Variants in IHO1 observed in about 807,000 individuals in gnomAD.
The protein encoded by IHO1 is interactor of HORMAD1 1, also known as interactor of HORMAD1 protein 1.
Under a neutral mutation model 31.0 loss-of-function variants are expected in IHO1, and 13 were observed. The observed-to-expected ratio is 0.42, with a 90% CI of 0.27 to 0.67. The LOEUF (loss-of-function observed/expected upper bound fraction) is 0.67, where lower values mean the gene tolerates loss of function less well. Among genes scored for constraint, IHO1 ranks in the 30% least tolerant of loss-of-function variants. The pLI is 0.24. For missense variants in IHO1, 599 were observed against 687.5 expected, an observed-to-expected ratio of 0.87 and a Z score of 1.44; for synonymous variants, 221 against 248.4, an observed-to-expected ratio of 0.89 and a Z score of 1.04.
the IHO1 span, chr3:49,191,671 C>G: frequency 1.3e-6 from 2 of 1,512,340 alleles, no homozygotes; most frequent in Non-Finnish European, 1.8e-6. Context: ...TTTCACTTCA[C>G]CGGCATGACT....
At chr3:49,230,085 T>C (rs2046463750) in intron 2 of IHO1, among the ~76,000 whole-genome samples, 1 of 152,192 alleles carries the variant, frequency 6.6e-6, no homozygotes, top group African/African-American at 2.4e-5. Flanking sequence ...CAAGAACCTA[T>C]ACCTTTAAAA....
chr3:49,196,794 C>T (rs1190731310), upstream of IHO1, among the ~76,000 whole-genome samples: 1 of 151,610 alleles, frequency 6.6e-6, no homozygotes, highest in African/African-American at 2.4e-5. Context: ...CCTCAGCCTC[C>T]CAAGTAGCTG....
At chr3:49,234,429 C>T (rs1246168588) in intron 2 of IHO1, among the ~76,000 whole-genome samples, 1 of 151,854 alleles carries the variant, frequency 6.6e-6, no homozygotes, top group Non-Finnish European at 1.5e-5. Context: ...GTCTGCCCAC[C>T]TCGGCCTCCC....
upstream of IHO1, among the ~76,000 whole-genome samples, chr3:49,195,968 G>T (rs2045994158): frequency 3.3e-5 from 5 of 151,472 alleles, no homozygotes; most frequent in South Asian, 1.0e-3. Context: ...AGGTGTGGGG[G>T]CTCATGCCTG....
rs143234227 is a variant in IHO1 at position 49,246,955 on chromosome 3, T to A, written c.532+2222T>A. On this transcript the variant is annotated intron_variant, in intron 6 of 7. Transcript: ENST00000452691. ...CCTCTGCCTCCCAGGTTCAAGCGAT[T>A]CTCCTGCCTCAGTCTCCTGAGTAGC... Among the ~76,000 whole-genome samples the A allele has an allele frequency of 5.8e-3, 876 of 151,454 alleles. 11 individuals carry two copies. The highest frequency in any genetic ancestry group is 0.02 in the African/African-American group (833 of 41,280).
chr3:49,241,123 C>A, intron 3 of IHO1, 103 bp from the exon 4 acceptor site: 2 of 764,786 alleles, frequency 2.6e-6, no homozygotes, highest in Non-Finnish European at 3.9e-6. Context: ...TACGTTACAG[C>A]AATATGGTTT....
At chr3:49,254,846 C>T (rs1025007949) in intron 6 of IHO1, among the ~76,000 whole-genome samples, 119 of 151,980 alleles carry the variant, frequency 7.8e-4, no homozygotes, top group African/African-American at 2.8e-3. Context: ...GGCAGATCAC[C>T]GGAGGTCAGA....
At chr3:49,234,657 CAAGGCCTATCTGTG>C (rs1341133665) in intron 2 of IHO1, among the ~76,000 whole-genome samples, 2 of 152,116 alleles carry the variant, frequency 1.3e-5, no homozygotes, top group African/African-American at 4.8e-5. Flanking sequence ...CAGTCCATAA[CAAGGCCTATCTGTG>C]ATTGTTTTAT....
chr3:49,237,278 T>A (rs928577765), intron 3 of IHO1, among the ~76,000 whole-genome samples: 2 of 151,650 alleles, frequency 1.3e-5, no homozygotes, highest in Non-Finnish European at 2.9e-5. Context: ...ACTCAGGAGG[T>A]AGAGGTTGCA....
At chr3:49,210,736 G>A (rs1186658996) in intron 1 of IHO1, among the ~76,000 whole-genome samples, 1 of 121,288 alleles carries the variant, frequency 8.2e-6, no homozygotes, top group East Asian at 2.4e-4. Flanking sequence ...TCACTCTGTC[G>A]CCCCAGGCTG....
At chr3:49,236,028 G>T (rs946239988) in intron 2 of IHO1, among the ~76,000 whole-genome samples, 1 of 151,432 alleles carries the variant, frequency 6.6e-6, no homozygotes, top group Non-Finnish European at 1.5e-5. Flanking sequence ...ATCACCTGAG[G>T]TCAGGAGTTC....
intron 2 of IHO1, among the ~76,000 whole-genome samples, chr3:49,222,983 A>T (rs766113751): frequency 5.3e-5 from 8 of 152,206 alleles, no homozygotes; most frequent in African/African-American, 9.7e-5. Flanking sequence ...GGTAGATGGG[A>T]GAGATTTGAC....
intron 1 of IHO1, among the ~76,000 whole-genome samples, chr3:49,207,395 G>T (rs1448360539): frequency 6.6e-6 from 1 of 151,672 alleles, no homozygotes; most frequent in Non-Finnish European, 1.5e-5. Context: ...ACAGGTGCAT[G>T]CCACCACGCC....
chr3:49,246,097 G>C (rs1195109803), intron 6 of IHO1, among the ~76,000 whole-genome samples: 1 of 150,792 alleles, frequency 6.6e-6, no homozygotes, highest in East Asian at 2.0e-4. Flanking sequence ...CAGAAGAACT[G>C]CTTGAATCTG....
At chr3:49,252,862 G>A (rs2046776534) in intron 6 of IHO1, among the ~76,000 whole-genome samples, 2 of 151,994 alleles carry the variant, frequency 1.3e-5, no homozygotes, top group Non-Finnish European at 2.9e-5. Context: ...GGCCAACATG[G>A]TGGACCCTGT....
intron 4 of IHO1, among the ~76,000 whole-genome samples, chr3:49,241,861 T>G (rs1255939388): frequency 1.3e-5 from 2 of 151,900 alleles, no homozygotes; most frequent in Non-Finnish European, 2.9e-5. Context: ...CCTCAGTTGA[T>G]CCACCCATCT....
intron 2 of IHO1, among the ~76,000 whole-genome samples, chr3:49,232,404 A>G (rs2046494071): frequency 1.3e-5 from 2 of 152,268 alleles, no homozygotes; most frequent in South Asian, 4.1e-4. Flanking sequence ...AACCAGCTAC[A>G]AAGACAGAAG....
chr3:49,243,984 T>A (rs540838811), intron 4 of IHO1, among the ~76,000 whole-genome samples: 1 of 151,062 alleles, frequency 6.6e-6, no homozygotes, highest in South Asian at 2.1e-4. Flanking sequence ...AGGTGGAGTC[T>A]CGCTCTGTCT....
At chr3:49,255,336 G>A (rs2046809498) in intron 6 of IHO1, 54 bp from the exon 7 acceptor site, 3 of 1,264,738 alleles carry the variant, frequency 2.4e-6, no homozygotes, top group Non-Finnish European at 3.3e-6. Flanking sequence ...TTGGGCAGAT[G>A]GGACATACCA....
Sources: allele counts gnomAD v4.1 joint callset (sites outside exome capture counted in the v4.1 genomes callset), GRCh38; gene constraint gnomAD v4.1.1; transcripts MANE v1.5; gene names NCBI Gene and HGNC (gene_info 2026-07-23, HGNC 2026-07-21).